Variants in PDZRN4 observed in about 807,000 individuals in gnomAD.
The protein encoded by PDZRN4 is PDZ domain-containing RING finger protein 4.
Under a neutral mutation model 99.0 loss-of-function variants are expected in PDZRN4, and 70 were observed. The ratio of observed to expected loss-of-function variants is 0.71; its 90% CI spans 0.58 to 0.86. The LOEUF is 0.86. Among genes scored for constraint, PDZRN4 ranks in the 40% least tolerant of loss-of-function variants. The probability of loss-of-function intolerance (pLI) is 0.00; values close to 1 mark genes in which losing one functional copy is unlikely to be tolerated. For missense variants in PDZRN4, 1,474 were observed against 1,331.2 expected, an observed-to-expected ratio of 1.11 and a Z score of -1.67; for synonymous variants, 551 against 501.6, an observed-to-expected ratio of 1.10 and a Z score of -1.32.
chr12:41,450,867 G>A (rs1380979457), intron 3 of PDZRN4, among the ~76,000 whole-genome samples: 2 of 152,148 alleles, frequency 1.3e-5, no homozygotes, highest in East Asian at 1.9e-4. Flanking sequence ...TATCCAGGCT[G>A]CAGTGAGCTA....
chr12:41,572,551 G>A lies in PDZRN4; in HGVS notation c.1772G>A (p.Ser591Asn), dbSNP rs972097800. Residue 591 changes from serine (S) to asparagine (N), a missense_variant, in exon 10 of 10, where the codon AGC becomes AAC. By Grantham distance (46) the Ser-to-Asn change is conservative. Transcript: ENST00000402685. Reference sequence around the variant, plus strand: ...AAGAGCAAGAGAGACCTGGGGCAGAGCCAAGACACTCTGGGAAGTGTTGAA... The same window carrying A: ...AAGAGCAAGAGAGACCTGGGGCAGAACCAAGACACTCTGGGAAGTGTTGAA... ...SLKSKRDLGQSQDTLGSVELQ... is the reference protein window; with the variant it reads ...SLKSKRDLGQNQDTLGSVELQ... The A allele has an allele frequency of 5.6e-6, 9 of 1,614,042 alleles. No individual in the cohort carries two copies. The highest frequency in any genetic ancestry group is 7.6e-6 in the Non-Finnish European group (9 of 1,180,026).
intron 3 of PDZRN4, among the ~76,000 whole-genome samples, chr12:41,354,671 G>T (rs538870566): frequency 6.6e-6 from 1 of 152,112 alleles, no homozygotes; most frequent in Non-Finnish European, 1.5e-5. Context: ...AAGTGAGGAA[G>T]GCTATCATAA....
At chr12:41,407,520 T>C (rs1467601485) in intron 3 of PDZRN4, among the ~76,000 whole-genome samples, 2 of 152,182 alleles carry the variant, frequency 1.3e-5, no homozygotes, top group Non-Finnish European at 2.9e-5. Flanking sequence ...ATGGCGATCC[T>C]CTGAGACAGT....
At chr12:41,251,843 T>C (rs1951172572) in intron 3 of PDZRN4, among the ~76,000 whole-genome samples, 2 of 152,106 alleles carry the variant, frequency 1.3e-5, no homozygotes, top group South Asian at 2.1e-4. Flanking sequence ...AGGCGAGGCA[T>C]GGTGGCTCAC....
chr12:41,539,617 C>G (rs1357103048), intron 5 of PDZRN4, among the ~76,000 whole-genome samples: 1 of 152,126 alleles, frequency 6.6e-6, no homozygotes, highest in Admixed American at 6.5e-5. Flanking sequence ...AGAAAAGCCT[C>G]TATTTCCTGC....
chr12:41,372,059 TTTA>T (rs555515770), intron 3 of PDZRN4, among the ~76,000 whole-genome samples: 135 of 152,228 alleles, frequency 8.9e-4, no homozygotes, highest in Middle Eastern at 3.4e-3. Flanking sequence ...AGTATAAATT[TTTA>T]TTGATAGTCT....
intron 3 of PDZRN4, among the ~76,000 whole-genome samples, chr12:41,207,877 G>A: frequency 6.6e-6 from 1 of 151,604 alleles, no homozygotes; most frequent in East Asian, 1.9e-4. Context: ...GACCTATGGA[G>A]TTGATGGCTC....
intron 5 of PDZRN4, among the ~76,000 whole-genome samples, chr12:41,512,061 T>C (rs1360797807): frequency 1.3e-5 from 2 of 152,100 alleles, no homozygotes; most frequent in Non-Finnish European, 2.9e-5. Flanking sequence ...TGAGGTTTAA[T>C]GGCCAAGAAG....
At chr12:41,472,595 T>G (rs954895369) in intron 3 of PDZRN4, among the ~76,000 whole-genome samples, 1 of 152,164 alleles carries the variant, frequency 6.6e-6, no homozygotes, top group Non-Finnish European at 1.5e-5. Flanking sequence ...TGTAGAAAAG[T>G]TCAATGTTTT....
At chr12:41,255,726 C>T (rs1566399422) in intron 3 of PDZRN4, among the ~76,000 whole-genome samples, 2 of 152,092 alleles carry the variant, frequency 1.3e-5, no homozygotes, top group Admixed American at 1.3e-4. Context: ...AAGCATGGCA[C>T]CAGTATCTGC....
chr12:41,552,539 G>T, intron 5 of PDZRN4, 117 bp from the exon 6 acceptor site: 2 of 642,378 alleles, frequency 3.1e-6, no homozygotes, highest in Non-Finnish European at 2.6e-6. Context: ...AATTTCCAAT[G>T]TTGGGCAATA....
chr12:41,195,962 C>G (rs541780792), intron 3 of PDZRN4, among the ~76,000 whole-genome samples: 6 of 152,182 alleles, frequency 3.9e-5, no homozygotes, highest in Admixed American at 3.3e-4. Flanking sequence ...CACATAGACA[C>G]AACAGAAATA....
intron 7 of PDZRN4, among the ~76,000 whole-genome samples, chr12:41,560,185 A>G (rs147799700): frequency 2.0e-5 from 3 of 152,292 alleles, no homozygotes; most frequent in Non-Finnish European, 4.4e-5. Flanking sequence ...ACTAAAATAT[A>G]AACACATTTG....
intron 3 of PDZRN4, among the ~76,000 whole-genome samples, chr12:41,276,355 G>A (rs1483543687): frequency 1.3e-5 from 2 of 152,024 alleles, no homozygotes; most frequent in African/African-American, 2.4e-5. Flanking sequence ...GGTGTTTTAA[G>A]AACCCTTTTT....
At chr12:41,301,019 T>C (rs1302543050) in intron 3 of PDZRN4, among the ~76,000 whole-genome samples, 1 of 152,098 alleles carries the variant, frequency 6.6e-6, no homozygotes, top group Non-Finnish European at 1.5e-5. Context: ...GAATTTCTTA[T>C]CATTATAGAT....
chr12:41,571,132 CCTAT>C (rs572412117), intron 9 of PDZRN4, among the ~76,000 whole-genome samples: 11 of 151,788 alleles, frequency 7.2e-5, no homozygotes, highest in Non-Finnish European at 1.0e-4. Flanking sequence ...TATATCTATA[CCTAT>C]CTATCTATCT....
chr12:41,460,202 T>C (rs1195769088), intron 3 of PDZRN4: 1 of 619,754 alleles, frequency 1.6e-6, no homozygotes, highest in East Asian at 8.0e-5. Flanking sequence ...CTATATTGAA[T>C]ATCCTAGTCA....
chr12:41,271,607 G>A (rs1431967198), intron 3 of PDZRN4, among the ~76,000 whole-genome samples: 1 of 151,944 alleles, frequency 6.6e-6, no homozygotes, highest in African/African-American at 2.4e-5. Context: ...CCACATTCTT[G>A]TATAGTTTAA....
At chr12:41,530,565 T>C (rs2120737603) in intron 5 of PDZRN4, among the ~76,000 whole-genome samples, 1 of 152,338 alleles carries the variant, frequency 6.6e-6, no homozygotes, top group East Asian at 1.9e-4. Context: ...AATATTACAA[T>C]GTGCTGTGAA....
Sources: allele counts gnomAD v4.1 joint callset (sites outside exome capture counted in the v4.1 genomes callset), GRCh38; gene constraint gnomAD v4.1.1; transcripts MANE v1.5; gene names NCBI Gene and HGNC (gene_info 2026-07-23, HGNC 2026-07-21).